TLE4: variants seen among roughly 807,000 people sequenced by gnomAD.
TLE4 encodes transducin-like enhancer protein 4.
Under a neutral mutation model 92.8 loss-of-function variants are expected in TLE4, and 8 were observed. The ratio of observed to expected loss-of-function variants is 0.09; its 90% CI spans 0.05 to 0.16. TLE4 has a LOEUF of 0.16. TLE4 is among the 10% of genes least tolerant of loss of function. TLE4 has a pLI of 1.00. For synonymous variants in TLE4, 371 were observed against 374.1 expected (o/e 0.99, Z 0.10); for missense variants, 675 against 997.6 (o/e 0.68, Z 4.36).
At position 79,720,202 on chromosome 9, in the gene TLE4, C is replaced by T. The variant is rs769327218; in HGVS notation, c.1747C>T (p.Leu583=). ...ATCCTCGGCCCCCGCCTGCTATGCC[C>T]TGGCCATCAGCCCCGATTCCAAGGT... ...LTSSAPACYA[L]AISPDSKVCF... is the part of the protein sequence containing the mutation. Residue 583 remains leucine (L), a synonymous_variant, in exon 16 of 20, where the codon CTG becomes TTG. Coordinates refer to ENST00000376552, the MANE Select transcript of TLE4 (RefSeq NM_007005.6). 1.1e-5 allele frequency: 18 copies of T among 1,614,108 alleles called. No individual in the cohort carries two copies. In the East Asian group the frequency reaches 3.3e-4, roughly 30 times the overall value.
Position 79,573,647 on chromosome 9 carries a change from C to T in TLE4, c.46-42C>T, listed in dbSNP as rs983069034. On this transcript the variant is annotated intron_variant, in intron 1 of 19. Coordinates refer to ENST00000376552, the MANE Select transcript of TLE4 (RefSeq NM_007005.6). ...GGTTTTCTCCGTCTCCCTGCTTCGC[C>T]TGTGATGTGGGCTAATTAAATATTT... The T allele has an allele frequency of 1.3e-5, 19 of 1,498,444 alleles. 1 individual carries two copies. The highest frequency in any genetic ancestry group is 1.7e-5 in the Non-Finnish European group (19 of 1,094,514). The allele number at this position is 1,498,444 out of a possible 1,614,324, so 92.8% of individuals were successfully genotyped here. A position where few individuals can be genotyped will look rare whatever the true frequency, so the allele number is the denominator to read the frequency against.
At chr9:79,701,330 A>G (rs578032518) in intron 8 of TLE4, among the ~76,000 whole-genome samples, 38 of 152,352 alleles carry the variant, frequency 2.5e-4, no homozygotes, top group African/African-American at 8.2e-4. Flanking sequence ...CAAAAATACA[A>G]CGCTGCCTGC....
At chr9:79,658,365 A>G (rs904398494) in intron 8 of TLE4, among the ~76,000 whole-genome samples, 1 of 151,944 alleles carries the variant, frequency 6.6e-6, no homozygotes, top group Non-Finnish European at 1.5e-5. Flanking sequence ...GGGTATATAC[A>G]CTGTTTTTTT....
chr9:79,586,421 A>T (rs2041121933), intron 4 of TLE4, among the ~76,000 whole-genome samples: 1 of 152,098 alleles, frequency 6.6e-6, no homozygotes, highest in African/African-American at 2.4e-5. Context: ...TTATAAAGTG[A>T]TCCAATAATT....
chr9:79,625,615 A>G (rs1179972071), intron 5 of TLE4, among the ~76,000 whole-genome samples: 1 of 152,042 alleles, frequency 6.6e-6, no homozygotes, highest in Non-Finnish European at 1.5e-5. Flanking sequence ...TAGAGAATCA[A>G]ATTGTCTTCA....
intron 8 of TLE4, among the ~76,000 whole-genome samples, chr9:79,699,686 C>T (rs1353800112): frequency 6.6e-6 from 1 of 152,172 alleles, no homozygotes; most frequent in African/African-American, 2.4e-5. Flanking sequence ...CGACCTTTAG[C>T]ATGTTCTTTC....
At chr9:79,599,864 C>T (rs1016213003) in intron 4 of TLE4, among the ~76,000 whole-genome samples, 7 of 152,208 alleles carry the variant, frequency 4.6e-5, no homozygotes, top group African/African-American at 1.4e-4. Flanking sequence ...CTCTCTCTTA[C>T]ACCCCCAATT....
At chr9:79,665,962 A>C (rs1391220838) in intron 8 of TLE4, among the ~76,000 whole-genome samples, 1 of 152,212 alleles carries the variant, frequency 6.6e-6, no homozygotes, top group East Asian at 1.9e-4. Context: ...GAAGGAAGTA[A>C]AATTCTCAAA....
At chr9:79,605,502 T>C (rs1345895680) in intron 4 of TLE4, among the ~76,000 whole-genome samples, 1 of 152,130 alleles carries the variant, frequency 6.6e-6, no homozygotes, top group East Asian at 1.9e-4. Flanking sequence ...TGTAGGCGAA[T>C]AGGCACCTAT....
intron 8 of TLE4, among the ~76,000 whole-genome samples, chr9:79,680,158 T>G (rs1184200680): frequency 1.3e-5 from 2 of 152,004 alleles, no homozygotes; most frequent in East Asian, 1.9e-4. Flanking sequence ...TTGAAGAAAG[T>G]CATTGGTAGC....
rs368601166 is a variant in TLE4 at position 79,718,833 on chromosome 9, C to G, written c.1452C>G (p.Leu484=). The G allele has an allele frequency of 1.3e-4, 212 of 1,614,070 alleles. No homozygotes were observed. Among genetic ancestry groups the G allele is most frequent in the Non-Finnish European group, 1.7e-4 (197 of 1,180,046 alleles). Residue 484 remains leucine (L), a synonymous_variant, in exon 15 of 20, where the codon CTC becomes CTG. Coordinates refer to ENST00000376552, the MANE Select transcript of TLE4 (RefSeq NM_007005.6). The part of the protein sequence containing the change: ...IPRHARQINT[L]NHGEVVCAVT... ...GGCATGCTCGCCAGATCAACACCCT[C>G]AACCACGGGGAGGTGGTGTGCGCGG...
intron 4 of TLE4, among the ~76,000 whole-genome samples, chr9:79,587,221 G>A (rs1461132067): frequency 1.3e-5 from 2 of 152,162 alleles, no homozygotes; most frequent in South Asian, 2.1e-4. Flanking sequence ...ATTTCATGTA[G>A]CATCACATAT....
At chr9:79,679,665 G>C (rs1480781316) in intron 8 of TLE4, among the ~76,000 whole-genome samples, 1 of 152,066 alleles carries the variant, frequency 6.6e-6, no homozygotes, top group African/African-American at 2.4e-5. Context: ...CATTGCTTTT[G>C]GTGTTTTAGA....
rs1388588762 is a variant in TLE4 at position 79,573,804 on chromosome 9, A to G, written c.143+18A>G. ...TACCACAGGTAACGATATTGACTTT[A>G]GCTGATCCTTCTGTTTGCTTAGCTC... On this transcript the variant is annotated intron_variant, in intron 2 of 19. Coordinates refer to ENST00000376552, the MANE Select transcript of TLE4 (RefSeq NM_007005.6). 6.5e-7 allele frequency: 1 copy of G among 1,528,424 alleles called. No homozygotes were observed. Among genetic ancestry groups the G allele is most frequent in the South Asian group, 1.2e-5 (1 of 82,976 alleles). 94.7% of individuals were successfully genotyped at this position (1,528,424 alleles called of 1,614,324 possible). A position where few individuals can be genotyped will look rare whatever the true frequency, so the allele number is the denominator to read the frequency against.
intron 6 of TLE4, among the ~76,000 whole-genome samples, chr9:79,636,699 C>G (rs1005920655): frequency 2.6e-5 from 4 of 152,140 alleles, no homozygotes; most frequent in Admixed American, 2.0e-4. Flanking sequence ...GTCCCATTAA[C>G]CTGTTTTATT....
At chr9:79,669,702 C>A (rs747463003) in intron 8 of TLE4, among the ~76,000 whole-genome samples, 8 of 152,124 alleles carry the variant, frequency 5.3e-5, no homozygotes, top group African/African-American at 1.4e-4. Flanking sequence ...ATGGATTATA[C>A]CTTTGTGTAA....
At chr9:79,644,602 G>C (rs559732363) in intron 6 of TLE4, among the ~76,000 whole-genome samples, 1 of 152,338 alleles carries the variant, frequency 6.6e-6, no homozygotes, top group South Asian at 2.1e-4. Flanking sequence ...CAGCCAGACT[G>C]TGCTTTCTCA....
intron 4 of TLE4, among the ~76,000 whole-genome samples, chr9:79,594,715 T>C (rs1297121392): frequency 6.6e-6 from 1 of 152,200 alleles, no homozygotes; most frequent in South Asian, 2.1e-4. Context: ...TATTGTCACC[T>C]TTCCTCTCTT....
At chr9:79,662,464 AT>A (rs1255049035) in intron 8 of TLE4, among the ~76,000 whole-genome samples, 1 of 152,126 alleles carries the variant, frequency 6.6e-6, no homozygotes, top group Admixed American at 6.5e-5. Context: ...CTATTCACTT[AT>A]CTTTTTTTAA....
Sources: allele counts gnomAD v4.1 joint callset (sites outside exome capture counted in the v4.1 genomes callset), GRCh38; gene constraint gnomAD v4.1.1; transcripts MANE v1.5; gene names NCBI Gene and HGNC (gene_info 2026-07-23, HGNC 2026-07-21).